Variants in KIDINS220 observed in about 807,000 individuals in gnomAD.
The protein encoded by KIDINS220 is kinase D-interacting substrate of 220 kDa.
In KIDINS220, 63 loss-of-function variants were observed where a neutral mutation model predicts 157.6. That is an observed-to-expected ratio of 0.40 (90% confidence interval 0.33 to 0.49). The LOEUF (loss-of-function observed/expected upper bound fraction) is 0.49. KIDINS220 is among the 20% of genes least tolerant of loss of function. The pLI, the probability that KIDINS220 is intolerant of heterozygous loss-of-function variation, is 0.66. For missense variants in KIDINS220, 1,772 were observed against 2,171.2 expected (o/e 0.82, Z 3.65); for synonymous variants, 732 against 783.6 (o/e 0.93, Z 1.10).
At chr2:8,810,535 C>T (rs1467593674) in intron 6 of KIDINS220, among the ~76,000 whole-genome samples, 1 of 152,178 alleles carries the variant, frequency 6.6e-6, no homozygotes, top group East Asian at 1.9e-4. Context: ...CTTGTAATCC[C>T]AGCACTTTGG....
intron 25 of KIDINS220, 115 bp from the exon 26 acceptor site, chr2:8,747,316 G>T: frequency 1.1e-6 from 1 of 877,942 alleles, no homozygotes; most frequent in Non-Finnish European, 1.9e-6. Context: ...AACAGTTTAT[G>T]TTTTTGCCTC....
chr2:8,827,668 G>A (rs1256908752), intron 1 of KIDINS220, among the ~76,000 whole-genome samples: 1 of 152,000 alleles, frequency 6.6e-6, no homozygotes, highest in Non-Finnish European at 1.5e-5. Context: ...ACTTTACCTG[G>A]AAGAGTGGAT....
intron 22 of KIDINS220, chr2:8,757,121 G>GA (rs771210541): frequency 7.7e-3 from 2,429 of 313,808 alleles, no homozygotes; most frequent in Middle Eastern, 0.013. Flanking sequence ...TTCATTTTAG[G>GA]AAAAAAAAAA....
chr2:8,771,507 T>C (rs923965536), intron 21 of KIDINS220, among the ~76,000 whole-genome samples: 3 of 152,210 alleles, frequency 2.0e-5, no homozygotes, highest in Non-Finnish European at 2.9e-5. Context: ...CCTTGTTTCA[T>C]TGTATCATGT....
intron 26 of KIDINS220, chr2:8,740,043 G>T: frequency 3.7e-6 from 1 of 272,126 alleles, no homozygotes; most frequent in Non-Finnish European, 5.6e-6. Flanking sequence ...CTAATAAACC[G>T]AACGCACCTT....
At chr2:8,740,130 A>T in intron 26 of KIDINS220, 1 of 968,996 alleles carries the variant, frequency 1.0e-6, no homozygotes, top group Non-Finnish European at 1.2e-6. Flanking sequence ...GAAAAGTAAG[A>T]TTTCATTGAG....
chr2:8,828,062 G>A (rs1679078475), intron 1 of KIDINS220, among the ~76,000 whole-genome samples: 1 of 152,164 alleles, frequency 6.6e-6, no homozygotes, highest in Non-Finnish European at 1.5e-5. Flanking sequence ...TTCTCGGGGT[G>A]CTCAAAGTAA....
At chr2:8,771,124 CTG>C (rs1156631384) in intron 21 of KIDINS220, among the ~76,000 whole-genome samples, 1 of 152,196 alleles carries the variant, frequency 6.6e-6, no homozygotes, top group African/African-American at 2.4e-5. Flanking sequence ...TCTTTCAGAA[CTG>C]TGTCACACAG....
At position 8,781,153 on chromosome 2, in the gene KIDINS220, A is replaced by ATATATATATATATATAATATAT. The variant is rs70946383; in HGVS notation, c.2230-1340_2230-1339insATATATTATATATATATATATA. Among the ~76,000 whole-genome samples the ATATATATATATATATAATATAT allele has an allele frequency of 2.8e-4, 37 of 130,392 alleles. 1 individual carries two copies. The highest frequency in any genetic ancestry group is 6.2e-4 in the Admixed American group (8 of 12,834). 85.5% of individuals were successfully genotyped at this position (130,392 alleles called of 152,430 possible). ...ACTATATTAATTATTATATATATAT[A>ATATATATATATATATAATATAT]ATATATATATATTAAAGGGGGGCAT... On this transcript the variant is annotated intron_variant, in intron 17 of 29. Transcript: ENST00000256707.
chr2:8,778,107 G>A (rs1277169931), intron 20 of KIDINS220, among the ~76,000 whole-genome samples: 1 of 152,176 alleles, frequency 6.6e-6, no homozygotes, highest in East Asian at 1.9e-4. Context: ...CACAGCACAT[G>A]CCCTTGTTCC....
chr2:8,722,060 G>T (rs745721886), downstream of KIDINS220: 9 of 151,998 alleles, frequency 5.9e-5, no homozygotes, highest in Non-Finnish European at 1.3e-4. Flanking sequence ...ATCATCCCGA[G>T]CCCATTAATA....
chr2:8,739,005 T>C (rs1254464829), intron 26 of KIDINS220, among the ~76,000 whole-genome samples: 5 of 152,292 alleles, frequency 3.3e-5, no homozygotes, highest in Admixed American at 3.3e-4. Context: ...AAACGACAAG[T>C]ATAATAGACA....
chr2:8,747,440 T>C, intron 25 of KIDINS220: 5 of 546,140 alleles, frequency 9.2e-6, no homozygotes. Flanking sequence ...AATAGTTCAT[T>C]GGAAGAATTT....
intron 28 of KIDINS220, among the ~76,000 whole-genome samples, chr2:8,734,332 G>C (rs913602854): frequency 6.6e-6 from 1 of 152,282 alleles, no homozygotes; most frequent in South Asian, 2.1e-4. Context: ...GATGAATGCT[G>C]AAGGTCAAGG....
At chr2:8,834,848 T>C (rs1321551709) in intron 1 of KIDINS220, among the ~76,000 whole-genome samples, 5 of 152,186 alleles carry the variant, frequency 3.3e-5, no homozygotes. Context: ...TATTTAGTTA[T>C]TTATTTTTAT....
At chr2:8,836,453 T>C (rs914407559) in intron 1 of KIDINS220, among the ~76,000 whole-genome samples, 6 of 152,200 alleles carry the variant, frequency 3.9e-5, no homozygotes, top group African/African-American at 1.4e-4. Context: ...GCACCAAAAT[T>C]ATTTGGGAAG....
intron 8 of KIDINS220, among the ~76,000 whole-genome samples, chr2:8,801,338 AAG>A (rs777237538): frequency 2.6e-5 from 4 of 152,206 alleles, no homozygotes; most frequent in African/African-American, 4.8e-5. Context: ...AAGGGTTATT[AAG>A]TTCAGCACCA....
intron 3 of KIDINS220, 143 bp downstream of exon 3, chr2:8,818,552 T>C: frequency 1.8e-6 from 1 of 553,368 alleles, no homozygotes; most frequent in Non-Finnish European, 3.2e-6. Flanking sequence ...ATTACTCCTT[T>C]TAAAAAAAAC....
At chr2:8,726,290 C>T (rs1663306002), downstream of KIDINS220, among the ~76,000 whole-genome samples, 3 of 152,208 alleles carry the variant, frequency 2.0e-5, no homozygotes, top group Admixed American at 1.3e-4. Flanking sequence ...CCAGAAAGTC[C>T]TCGTCATGAA....
Sources: allele counts gnomAD v4.1 joint callset (sites outside exome capture counted in the v4.1 genomes callset), GRCh38; gene constraint gnomAD v4.1.1; transcripts MANE v1.5; gene names NCBI Gene and HGNC (gene_info 2026-07-23, HGNC 2026-07-21).